Variants in TMEM63C observed in about 807,000 individuals in gnomAD.
TMEM63C encodes osmosensitive cation channel TMEM63C.
In TMEM63C, 32 loss-of-function variants were observed where a neutral mutation model predicts 99.2. The ratio of observed to expected loss-of-function variants is 0.32; its 90% confidence interval spans 0.24 to 0.43. The LOEUF (loss-of-function observed/expected upper bound fraction) is 0.43. Ranked by LOEUF, TMEM63C falls within the 20% of genes least tolerant of loss-of-function variation. TMEM63C has a pLI of 1.00. For missense variants in TMEM63C, 826 were observed against 1,053.0 expected (o/e 0.78, Z 2.98); for synonymous variants, 376 against 397.9 (o/e 0.94, Z 0.66).
At chr14:77,204,182 C>T (rs1248090253) in intron 1 of TMEM63C, among the ~76,000 whole-genome samples, 2 of 152,224 alleles carry the variant, frequency 1.3e-5, no homozygotes, top group Non-Finnish European at 2.9e-5. Flanking sequence ...AAACTGGATC[C>T]CTCAGCTTCA....
At position 77,256,571 on chromosome 14, in the gene TMEM63C, C is replaced by T; in HGVS notation, c.2266C>T (p.Pro756Ser). The T allele has an allele frequency of 1.2e-6, 2 of 1,614,004 alleles. No individual in the cohort carries two copies. Among genetic ancestry groups the T allele is most frequent in the Non-Finnish European group, 1.7e-6 (2 of 1,179,876 alleles). ...VLQEPELNLT[P>S]ASSPARHTYG... The stretch of plus-strand genomic sequence containing the variant: ...GCAAGAACCGGAGTTGAATCTGACC[C>T]CCGCCTCCTCCCCAGCCAGGCACAC... Residue 756 changes from proline to serine, a missense_variant, in exon 24 of 24, where the codon CCC (proline) becomes TCC (serine). Transcript: ENST00000298351.
At position 77,243,037 on chromosome 14, in the gene TMEM63C, G is replaced by A. The variant is rs763288885; in HGVS notation, c.1322G>A (p.Arg441His). 140 of 1,613,550 alleles carry A rather than the reference G, an allele frequency of 8.7e-5. No homozygotes were observed. The highest frequency in any genetic ancestry group is 1.6e-4 in the Middle Eastern group (1 of 6,084). Reference protein sequence around the residue: ...MNTIDMYNVTRPIEKLQNPIV... With the variant: ...MNTIDMYNVTHPIEKLQNPIV... ...ACTATCGACATGTACAACGTCACCC[G>A]CCCCATCGAGAAGCTGCAGGTGCCT... The change falls in exon 15 of 24, where the codon CGC becomes CAC. Residue 441 changes from arginine to histidine, a missense_variant. Transcript: ENST00000298351.
chr14:77,223,366 A>T (rs970637270), intron 5 of TMEM63C, among the ~76,000 whole-genome samples: 3 of 152,172 alleles, frequency 2.0e-5, no homozygotes, highest in East Asian at 1.9e-4. Context: ...TCCAGCCAGG[A>T]TGGGGAGCCT....
intron 9 of TMEM63C, 37 bp from the exon 10 acceptor site, chr14:77,238,655 GCA>G (rs1566628554): frequency 3.2e-6 from 5 of 1,541,362 alleles, no homozygotes; most frequent in Admixed American, 3.3e-5. Flanking sequence ...TCCTATGCAA[GCA>G]CAGTCTTCTT....
rs77528858 is a variant in TMEM63C at position 77,210,354 on chromosome 14, G to A, written c.-76-3092G>A. 1.3e-3 allele frequency among the ~76,000 whole-genome samples: 199 copies of A among 152,268 alleles called. 6 individuals are homozygous for A. The East Asian group carries it at 0.031, about 24-fold the overall frequency. ...TATCCCCAATCCACCACTTTCCCCA[G>A]CCTTAAGCAAATCTCCATGTCTGCT... On this transcript the variant is annotated intron_variant, in intron 1 of 23. Coordinates refer to ENST00000298351, the MANE Select transcript of TMEM63C (RefSeq NM_020431.4).
chr14:77,211,371 G>T (rs905311561), intron 1 of TMEM63C, among the ~76,000 whole-genome samples: 1 of 152,178 alleles, frequency 6.6e-6, no homozygotes, highest in East Asian at 1.9e-4. Flanking sequence ...CTTGCATTTA[G>T]GGATGGTTCT....
At chr14:77,217,922 A>G (rs1888616019) in intron 2 of TMEM63C, among the ~76,000 whole-genome samples, 1 of 152,184 alleles carries the variant, frequency 6.6e-6, no homozygotes, top group Non-Finnish European at 1.5e-5. Flanking sequence ...GAGTAGAAGG[A>G]TGGTTACCAG....
chr14:77,208,571 C>T (rs1201055014), intron 1 of TMEM63C, among the ~76,000 whole-genome samples: 1 of 152,164 alleles, frequency 6.6e-6, no homozygotes, highest in Non-Finnish European at 1.5e-5. Flanking sequence ...TAATCTGTAT[C>T]CAGAACCCCA....
chr14:77,194,860 G>C (rs1283975225), intron 1 of TMEM63C, among the ~76,000 whole-genome samples: 5 of 152,004 alleles, frequency 3.3e-5, no homozygotes, highest in Non-Finnish European at 7.4e-5. Context: ...AGGATTACAG[G>C]TGTGAGCCAC....
chr14:77,213,895 G>T (rs1888533983), intron 2 of TMEM63C, among the ~76,000 whole-genome samples: 1 of 152,190 alleles, frequency 6.6e-6, no homozygotes, highest in Non-Finnish European at 1.5e-5. Context: ...ACAGGCAAGA[G>T]ACTCCCGGAT....
intron 1 of TMEM63C, among the ~76,000 whole-genome samples, chr14:77,183,135 G>A (rs1887941790): frequency 6.6e-6 from 1 of 152,132 alleles, no homozygotes; most frequent in Non-Finnish European, 1.5e-5. Flanking sequence ...GGCAAGGAGA[G>A]AGCGACATTT....
At chr14:77,240,925 CT>C (rs1566629245) in intron 13 of TMEM63C, among the ~76,000 whole-genome samples, 1 of 117,974 alleles carries the variant, frequency 8.5e-6, no homozygotes. Flanking sequence ...TCCCTTTTCC[CT>C]TTTTCTTTTT....
chr14:77,253,395 G>A lies in TMEM63C; in HGVS notation c.2220+19G>A. On this transcript the variant is annotated intron_variant, in intron 23 of 23. Transcript: ENST00000298351. ...CTCCCTCGTGAGTCCTGAGTCCCAGGGACAGGTTGGGAGGGTGGTGCTTGC... is the reference window on the plus strand; with the variant it reads ...CTCCCTCGTGAGTCCTGAGTCCCAGAGACAGGTTGGGAGGGTGGTGCTTGC... The A allele has an allele frequency of 6.3e-7, 1 of 1,596,998 alleles. No individual in the cohort carries two copies. Among genetic ancestry groups the A allele is most frequent in the Non-Finnish European group, 8.5e-7 (1 of 1,171,716 alleles).
intron 4 of TMEM63C, 115 bp downstream of exon 4, chr14:77,219,692 G>A: frequency 9.0e-7 from 1 of 1,114,654 alleles, no homozygotes; most frequent in Non-Finnish European, 1.3e-6. Context: ...GCCAGCAAGT[G>A]GCCTCTGCCC....
At position 77,191,538 on chromosome 14, in the gene TMEM63C, C is replaced by CTTTTTTTTTTTTTTTTTTTTTTT. The variant is rs71125542; in HGVS notation, c.-77+9645_-77+9667dup. Reference sequence around the variant, plus strand: ...TTTCTTTCTTTTCTTTTTTCTTTTTCTTTTTTTTTTTTTTTTTTTTTTTGA... The same window carrying CTTTTTTTTTTTTTTTTTTTTTTT: ...TTTCTTTCTTTTCTTTTTTCTTTTTCTTTTTTTTTTTTTTTTTTTTTTTTTTTTTTTTTTTTTTTTTTTTTTGA... On this transcript the variant is annotated intron_variant, in intron 1 of 23. Transcript: ENST00000298351. 1.3e-3 allele frequency among the ~76,000 whole-genome samples: 106 copies of CTTTTTTTTTTTTTTTTTTTTTTT among 82,606 alleles called. 1 individual carries two copies. Among genetic ancestry groups the CTTTTTTTTTTTTTTTTTTTTTTT allele is most frequent in the Non-Finnish European group, 1.6e-3 (76 of 46,828 alleles). 54.2% of individuals were successfully genotyped at this position (82,606 alleles called of 152,430 possible). A position where few individuals can be genotyped will look rare whatever the true frequency, so the allele number is the denominator to read the frequency against.
chr14:77,190,939 T>G (rs1194116264), intron 1 of TMEM63C, among the ~76,000 whole-genome samples: 3 of 152,178 alleles, frequency 2.0e-5, no homozygotes, highest in African/African-American at 7.2e-5. Context: ...ATCAAAATTG[T>G]AGACGGTAAG....
Position 77,256,638 on chromosome 14 carries a change from A to C in TMEM63C, c.2333A>C (p.Glu778Ala), listed in dbSNP as rs761103726. The change falls in exon 24 of 24, where the codon GAG becomes GCG. Residue 778 changes from glutamate to alanine, a missense_variant. By Grantham distance (107) the Glu-to-Ala change is moderately radical. Transcript: ENST00000298351. ...AACCAGCCGGAAGAGGGAGAAGAAGAGAGTGGTCTGAGGGGCTTTGCGAGG... is the reference window on the plus strand; with the variant it reads ...AACCAGCCGGAAGAGGGAGAAGAAGCGAGTGGTCTGAGGGGCTTTGCGAGG... ...MNNQPEEGEE[E>A]SGLRGFAREL... The C allele has an allele frequency of 7.4e-6, 12 of 1,613,868 alleles. No homozygotes were observed. The South Asian group carries it at 1.1e-4, about 15-fold the overall frequency.
intron 5 of TMEM63C, among the ~76,000 whole-genome samples, chr14:77,221,700 C>T (rs997523404): frequency 2.1e-5 from 3 of 143,120 alleles, no homozygotes; most frequent in Non-Finnish European, 4.5e-5. Context: ...CTCCCACTCA[C>T]GCCTCAACCT....
intron 2 of TMEM63C, among the ~76,000 whole-genome samples, chr14:77,215,484 C>T (rs921822592): frequency 4.6e-5 from 7 of 150,854 alleles, no homozygotes; most frequent in African/African-American, 1.7e-4. Context: ...ACCTGTAGTC[C>T]GAGCTACTCA....
Sources: allele counts gnomAD v4.1 joint callset (sites outside exome capture counted in the v4.1 genomes callset), GRCh38; gene constraint gnomAD v4.1.1; transcripts MANE v1.5; gene names NCBI Gene and HGNC (gene_info 2026-07-23, HGNC 2026-07-21).